Variants in MCC observed in about 807,000 individuals in gnomAD.
MCC encodes the protein MCC regulator of Wnt signaling pathway.
In MCC, 90 loss-of-function variants were observed where a neutral mutation model predicts 116.2. The ratio of observed to expected loss-of-function variants is 0.77; its 90% CI spans 0.65 to 0.92. MCC has a LOEUF of 0.92. MCC is among the 40% of genes least tolerant of loss of function. The pLI is 0.00. For synonymous variants in MCC, 578 were observed against 510.5 expected, an observed-to-expected ratio of 1.13 and a Z score of -1.78; for missense variants, 1,516 against 1,312.2, an observed-to-expected ratio of 1.16 and a Z score of -2.40.
At chr5:113,166,720 A>AAC (rs1042345267) in intron 3 of MCC, among the ~76,000 whole-genome samples, 2 of 134,666 alleles carry the variant, frequency 1.5e-5, no homozygotes, top group African/African-American at 5.5e-5. Flanking sequence ...AAAAAAAAAA[A>AAC]AACAACCAAA....
At chr5:113,074,319 C>T (rs1754264136) in intron 11 of MCC, among the ~76,000 whole-genome samples, 1 of 152,214 alleles carries the variant, frequency 6.6e-6, no homozygotes, top group Admixed American at 6.5e-5. Context: ...GCTGAGGGTC[C>T]TGACTATTAG....
At chr5:113,041,683 A>G (rs983729119) in intron 17 of MCC, among the ~76,000 whole-genome samples, 2 of 152,170 alleles carry the variant, frequency 1.3e-5, no homozygotes, top group African/African-American at 4.8e-5. Context: ...GCAGACTGTA[A>G]TAAGTAGAAG....
intron 16 of MCC, among the ~76,000 whole-genome samples, chr5:113,045,297 GA>G (rs1383974653): frequency 3.9e-5 from 6 of 152,164 alleles, no homozygotes; most frequent in African/African-American, 1.4e-4. Context: ...GTGCTAGTTG[GA>G]GGGAAGCTTT....
At chr5:113,278,499 G>A (rs933539093) in intron 3 of MCC, among the ~76,000 whole-genome samples, 1 of 152,208 alleles carries the variant, frequency 6.6e-6, no homozygotes, top group Admixed American at 6.5e-5. Flanking sequence ...ATGGAACCTA[G>A]ACCGGGGGTG....
intron 3 of MCC, among the ~76,000 whole-genome samples, chr5:113,236,831 GT>G (rs1764152468): frequency 1.3e-5 from 2 of 152,176 alleles, no homozygotes; most frequent in Admixed American, 6.5e-5. Context: ...GACAGGCGGG[GT>G]GGCTACACTT....
At chr5:113,461,547 G>A (rs953648821) in intron 1 of MCC, among the ~76,000 whole-genome samples, 5 of 151,538 alleles carry the variant, frequency 3.3e-5, no homozygotes, top group Admixed American at 2.6e-4. Flanking sequence ...GCTCATGCCT[G>A]TAATCCCAGG....
intron 3 of MCC, among the ~76,000 whole-genome samples, chr5:113,217,190 A>C (rs1763354147): frequency 1.3e-5 from 2 of 152,238 alleles, no homozygotes; most frequent in Admixed American, 1.3e-4. Flanking sequence ...ATAAAAGACC[A>C]AACTCCAAAG....
chr5:113,452,043 C>G (rs1020849403), intron 1 of MCC, among the ~76,000 whole-genome samples: 1 of 152,178 alleles, frequency 6.6e-6, no homozygotes, highest in Non-Finnish European at 1.5e-5. Context: ...CCACATGTCC[C>G]GTCAATCCTC....
intron 3 of MCC, among the ~76,000 whole-genome samples, chr5:113,288,715 TA>T (rs1212916838): frequency 2.6e-5 from 4 of 152,224 alleles, no homozygotes; most frequent in Non-Finnish European, 5.9e-5. Flanking sequence ...CTGAGGGCAG[TA>T]ACAGAAGCTA....
At chr5:113,250,307 G>C (rs1487705959) in intron 3 of MCC, among the ~76,000 whole-genome samples, 1 of 152,206 alleles carries the variant, frequency 6.6e-6, no homozygotes, top group Non-Finnish European at 1.5e-5. Context: ...GAGAACAAGT[G>C]ACTGCTCAAA....
intron 1 of MCC, among the ~76,000 whole-genome samples, chr5:113,397,730 A>C (rs1320671633): frequency 1.3e-5 from 2 of 152,198 alleles, no homozygotes; most frequent in Non-Finnish European, 2.9e-5. Context: ...CACAGCTATA[A>C]AAATCCTAGT....
chr5:113,184,519 T>C (rs2416316), intron 3 of MCC, among the ~76,000 whole-genome samples: 140,067 of 142,564 alleles, frequency 0.98, 68,851 homozygotes, highest in Middle Eastern at 1. Flanking sequence ...CTTGTTCTGG[T>C]GCTCAGTGCT....
chr5:113,150,557 A>G lies in MCC; in HGVS notation c.741+752T>C, dbSNP rs1581162804. 3.3e-5 allele frequency among the ~76,000 whole-genome samples: 5 copies of G among 152,216 alleles called. No individual in the cohort carries two copies. In the South Asian group the frequency reaches 1.0e-3, roughly 32 times the overall value. The stretch of plus-strand genomic sequence containing the variant: ...AGAGTTAGAAATAAAATGAAAATGC[A>G]TTTCAGTAATGATGACTACACTGGA... On this transcript the variant is annotated intron_variant, in intron 4 of 18. Coordinates refer to ENST00000408903, the MANE Select transcript of MCC (RefSeq NM_001085377.2).
chr5:113,431,785 G>A lies in MCC; in HGVS notation c.171-46573C>T, dbSNP rs540851842. ...CCAAGGGGGGGGGGGGGTGGATCACGAGGTCAAGAGTTCAAGACCAGCCTG... is the reference window on the plus strand; with the variant it reads ...CCAAGGGGGGGGGGGGGTGGATCACAAGGTCAAGAGTTCAAGACCAGCCTG... On this transcript the variant is annotated intron_variant, in intron 1 of 18. Transcript: ENST00000408903. Among the ~76,000 whole-genome samples the A allele has an allele frequency of 5.8e-4, 73 of 126,142 alleles. 1 individual carries two copies. Among genetic ancestry groups the A allele is most frequent in the African/African-American group, 1.7e-3 (64 of 37,046 alleles). The allele number at this position is 126,142 out of a possible 152,430, so 82.8% of individuals were successfully genotyped here.
chr5:113,421,439 T>C (rs1770331666), intron 1 of MCC, among the ~76,000 whole-genome samples: 2 of 152,358 alleles, frequency 1.3e-5, no homozygotes, highest in Middle Eastern at 3.4e-3. Flanking sequence ...TTTAATTTCA[T>C]AACATTTCTA....
At chr5:113,086,581 T>A (rs972800065) in intron 8 of MCC, among the ~76,000 whole-genome samples, 1 of 152,232 alleles carries the variant, frequency 6.6e-6, no homozygotes, top group Non-Finnish European at 1.5e-5. Context: ...AGAAATTAAA[T>A]GTCCAAATCC....
intron 1 of MCC, among the ~76,000 whole-genome samples, chr5:113,480,875 A>C: frequency 6.6e-6 from 1 of 152,134 alleles, no homozygotes; most frequent in East Asian, 1.9e-4. Context: ...CCCAGGCTCA[A>C]CTGATCCTCC....
Position 113,337,688 on chromosome 5 carries a change from A to T in MCC, c.627+2831T>A, listed in dbSNP as rs149843420. Among the ~76,000 whole-genome samples the T allele has an allele frequency of 2.7e-3, 409 of 152,360 alleles. 3 individuals are homozygous for T. The highest frequency in any genetic ancestry group is 0.024 in the Admixed American group (369 of 15,304). Reference sequence around the variant, plus strand: ...TGTGCTTTCTGTCTCCTAACTAGACACTGATAAAATGCCTTTTGCTCTTAG... The same window carrying T: ...TGTGCTTTCTGTCTCCTAACTAGACTCTGATAAAATGCCTTTTGCTCTTAG... On this transcript the variant is annotated intron_variant, in intron 3 of 18. Coordinates refer to ENST00000408903, the MANE Select transcript of MCC (RefSeq NM_001085377.2).
intron 2 of MCC, among the ~76,000 whole-genome samples, chr5:113,355,684 TAAG>T (rs981803133): frequency 6.6e-6 from 1 of 152,060 alleles, no homozygotes; most frequent in African/African-American, 2.4e-5. Flanking sequence ...CCTCACATGG[TAAG>T]AAGAGAGGGC....
Sources: allele counts gnomAD v4.1 joint callset (sites outside exome capture counted in the v4.1 genomes callset), GRCh38; gene constraint gnomAD v4.1.1; transcripts MANE v1.5; gene names NCBI Gene and HGNC (gene_info 2026-07-23, HGNC 2026-07-21).